DNMBP: variants seen among roughly 807,000 people sequenced by gnomAD.
The protein encoded by DNMBP is dynamin binding protein, also known as dynamin-binding protein.
DNMBP carries 87 observed loss-of-function variants against 150.0 expected under a neutral mutation model. The observed-to-expected ratio is 0.58, with a 90% CI of 0.49 to 0.69. The LOEUF is 0.69. DNMBP is among the 30% of genes least tolerant of loss of function. DNMBP has a pLI of 0.00. For synonymous variants in DNMBP, 711 were observed against 750.4 expected (o/e 0.95, Z 0.86); for missense variants, 1,774 against 1,949.0 (o/e 0.91, Z 1.69).
At chr10:100,005,136 C>T (rs7078766) in intron 1 of DNMBP, among the ~76,000 whole-genome samples, 17,642 of 152,040 alleles carry the variant, frequency 0.12, 1,437 homozygotes, top group African/African-American at 0.22. Flanking sequence ...ATACAGGAGT[C>T]CTCAAATATT....
intron 1 of DNMBP, among the ~76,000 whole-genome samples, chr10:100,005,413 T>C (rs2041057222): frequency 6.6e-6 from 1 of 152,054 alleles, no homozygotes; most frequent in Non-Finnish European, 1.5e-5. Context: ...AATGCAGCAT[T>C]CCAAAGCAGA....
intron 1 of DNMBP, among the ~76,000 whole-genome samples, chr10:99,996,350 G>A (rs767186539): frequency 5.9e-5 from 9 of 151,912 alleles, no homozygotes; most frequent in South Asian, 4.2e-4. Context: ...GCGAAACCCC[G>A]TCTCTACTAA....
rs1455096876 is a variant in DNMBP at position 99,911,602 on chromosome 10, CAG to C, written c.2261-2458_2261-2457del. On this transcript the variant is annotated intron_variant, in intron 4 of 16. Coordinates refer to ENST00000324109, the MANE Select transcript of DNMBP (RefSeq NM_015221.4). ...ACTGCATGTGGAGAGTGGGGATTGA[CAG>C]AGAATGAGATAAAAACAGCAAAATG... 7.9e-5 allele frequency among the ~76,000 whole-genome samples: 12 copies of C among 151,970 alleles called. 1 individual carries two copies. Among genetic ancestry groups the C allele is most frequent in the African/African-American group, 1.9e-4 (8 of 41,376 alleles).
intron 4 of DNMBP, among the ~76,000 whole-genome samples, chr10:99,946,595 T>A (rs1001143812): frequency 6.6e-6 from 1 of 152,178 alleles, no homozygotes; most frequent in Admixed American, 6.5e-5. Flanking sequence ...TCTCACCATA[T>A]ACAAAAATTA....
At chr10:99,934,625 T>G (rs2040203500) in intron 4 of DNMBP, among the ~76,000 whole-genome samples, 1 of 136,046 alleles carries the variant, frequency 7.4e-6, no homozygotes, top group South Asian at 2.4e-4. Context: ...CCATTAGCAG[T>G]AGGCTCCTTG....
intron 4 of DNMBP, chr10:99,930,094 C>T (rs904671410): frequency 1.4e-6 from 1 of 702,684 alleles, no homozygotes; most frequent in African/African-American, 1.7e-5. Flanking sequence ...TCATTGACAC[C>T]ATTCGAATCT....
chr10:99,880,654 C>A (rs1008906846), intron 15 of DNMBP, among the ~76,000 whole-genome samples: 4 of 152,094 alleles, frequency 2.6e-5, no homozygotes, highest in Non-Finnish European at 5.9e-5. Context: ...GCTCAGGAGG[C>A]CCATGGCCAA....
At chr10:99,974,399 T>C (rs1476332520) in intron 1 of DNMBP, among the ~76,000 whole-genome samples, 1 of 152,208 alleles carries the variant, frequency 6.6e-6, no homozygotes, top group Non-Finnish European at 1.5e-5. Flanking sequence ...GTAGTGGACA[T>C]CCATCCCTCT....
At position 99,955,553 on chromosome 10, in the gene DNMBP, G is replaced by GT; in HGVS notation, c.1920dup (p.Pro641ThrfsTer31). 1 of 1,601,436 alleles carries GT rather than the reference G, an allele frequency of 6.2e-7. No individual in the cohort carries two copies. The highest frequency in any genetic ancestry group is 2.2e-5 in the East Asian group (1 of 44,748). ...GGAGGCAGGGGAGCTGGGCGAGAGG[G>GT]TCGCACCACCAAGGGTGGTGCAGGT... On this transcript the variant is annotated frameshift_variant, in exon 4 of 17. Transcript: ENST00000324109. LOFTEE classifies it high-confidence loss of function.
At chr10:99,896,203 CTG>C in intron 10 of DNMBP, 62 bp downstream of exon 10, 1 of 1,567,070 alleles carries the variant, frequency 6.4e-7, no homozygotes, top group Non-Finnish European at 8.7e-7. Context: ...GCCAGGCAGG[CTG>C]TCTCATGGAG....
At chr10:99,977,588 T>C (rs770581702) in intron 1 of DNMBP, among the ~76,000 whole-genome samples, 4 of 152,358 alleles carry the variant, frequency 2.6e-5, no homozygotes, top group South Asian at 2.1e-4. Context: ...ATTTGAAATA[T>C]AGATATATTT....
rs144138865 is a variant in DNMBP, at chr10:99,915,922, A to G, written c.2261-6776T>C. On this transcript the variant is annotated intron_variant, in intron 4 of 16. Transcript: ENST00000324109. ...GGCTCCAGAGTCTGTGCTCTTTACC[A>G]ATAGCTATTCTGTCTCTTTTTTTCC... Among the ~76,000 whole-genome samples, 750 of 152,324 alleles carry G rather than the reference A, an allele frequency of 4.9e-3. 8 individuals are homozygous for G. The highest frequency in any genetic ancestry group is 0.017 in the African/African-American group (712 of 41,576).
chr10:99,891,968 C>T (rs1193789230), intron 11 of DNMBP, among the ~76,000 whole-genome samples: 40 of 142,854 alleles, frequency 2.8e-4, no homozygotes, highest in African/African-American at 6.7e-4. Context: ...AGGTGAGGGG[C>T]GCCTCTGCCC....
intron 4 of DNMBP, among the ~76,000 whole-genome samples, chr10:99,953,851 C>G (rs868612124): frequency 3.2e-5 from 4 of 123,270 alleles, no homozygotes; most frequent in African/African-American, 6.6e-5. Flanking sequence ...ACTCTCTGGA[C>G]AGCAAAGATA....
At chr10:99,990,610 TAAAA>T (rs34272087) in intron 1 of DNMBP, among the ~76,000 whole-genome samples, 1 of 104,224 alleles carries the variant, frequency 9.6e-6, no homozygotes, top group Admixed American at 9.5e-5. Flanking sequence ...AATTAATGAA[TAAAA>T]AAAAAAAAAA....
intron 4 of DNMBP, among the ~76,000 whole-genome samples, chr10:99,939,177 G>A (rs1358175755): frequency 6.6e-6 from 1 of 151,896 alleles, no homozygotes; most frequent in African/African-American, 2.4e-5. Context: ...ATTCCTCTGT[G>A]ACTGCCCATG....
At chr10:99,953,399 T>C (rs2040445577) in intron 4 of DNMBP, among the ~76,000 whole-genome samples, 1 of 152,094 alleles carries the variant, frequency 6.6e-6, no homozygotes, top group African/African-American at 2.4e-5. Flanking sequence ...TCAATATCTA[T>C]GTCTTAGTTT....
At chr10:99,930,557 C>T (rs1490200942) in intron 4 of DNMBP, 2 of 702,932 alleles carry the variant, frequency 2.8e-6, no homozygotes, top group Admixed American at 4.0e-5. Context: ...GTTCAAAATC[C>T]CAGTATCCAC....
intron 1 of DNMBP, among the ~76,000 whole-genome samples, chr10:99,997,829 G>A (rs2040964697): frequency 6.7e-6 from 1 of 149,670 alleles, no homozygotes; most frequent in Non-Finnish European, 1.5e-5. Context: ...TTGGGTGGGT[G>A]GGGCACAAGA....
Sources: gnomAD v4.1 joint callset for allele counts (sites outside exome capture counted in the v4.1 genomes callset) on GRCh38, gnomAD v4.1.1 for gene constraint, MANE v1.5 for transcripts, NCBI Gene and HGNC (gene_info 2026-07-23, HGNC 2026-07-21) for gene names.